Variants in UBR3 observed in about 807,000 individuals in gnomAD.
UBR3 encodes E3 ubiquitin-protein ligase UBR3.
Under a neutral mutation model 243.2 loss-of-function variants are expected in UBR3, and 85 were observed. The ratio of observed to expected loss-of-function variants is 0.35; its 90% CI spans 0.29 to 0.42. The LOEUF is 0.42. Ranked by LOEUF, UBR3 falls within the 10% of genes least tolerant of loss-of-function variation. The pLI, the probability that UBR3 is intolerant of heterozygous loss-of-function variation, is 1.00. For missense variants in UBR3, 1,686 were observed against 2,300.8 expected (o/e 0.73, Z 5.47); for synonymous variants, 748 against 799.8 (o/e 0.94, Z 1.09).
intron 30 of UBR3, among the ~76,000 whole-genome samples, chr2:170,017,527 A>ACG (rs1296235578): frequency 8.7e-5 from 1 of 11,486 alleles, no homozygotes; most frequent in Non-Finnish European, 2.4e-4. Flanking sequence ...TTACGGACAC[A>ACG]CACACACACA....
chr2:170,015,427 G>A, intron 30 of UBR3, 61 bp downstream of exon 30: 1 of 1,350,768 alleles, frequency 7.4e-7, no homozygotes, highest in Non-Finnish European at 1.0e-6. Context: ...GCATTGACAG[G>A]AAAAGTGACA....
At chr2:169,927,542 G>C in intron 17 of UBR3, 137 bp downstream of exon 17, 1 of 596,376 alleles carries the variant, frequency 1.7e-6, no homozygotes, top group Non-Finnish European at 2.7e-6. Flanking sequence ...AACACCAGTT[G>C]TGTGCTCAAG....
At chr2:169,978,304 C>T (rs1171995005) in intron 24 of UBR3, among the ~76,000 whole-genome samples, 1 of 151,988 alleles carries the variant, frequency 6.6e-6, no homozygotes, top group Non-Finnish European at 1.5e-5. Context: ...GGCTGTGGGG[C>T]CTGGGTTTCA....
Position 169,937,750 on chromosome 2 carries a change from A to G in UBR3, c.2663+4742A>G, listed in dbSNP as rs189095584. Among the ~76,000 whole-genome samples the G allele has an allele frequency of 3.7e-4, 57 of 152,292 alleles. 1 individual carries two copies. Among genetic ancestry groups the G allele is most frequent in the Non-Finnish European group, 1.0e-4 (7 of 68,020 alleles). On this transcript the variant is annotated intron_variant, in intron 19 of 38. Coordinates refer to ENST00000272793, the MANE Select transcript of UBR3 (RefSeq NM_172070.4). ...TGTCTGACAATGTTGACTGCTTGTT[A>G]TTAAGAGTTCTTGAGTGCATTGGTG...
At chr2:170,008,371 G>A (rs2089985222) in intron 28 of UBR3, among the ~76,000 whole-genome samples, 1 of 152,070 alleles carries the variant, frequency 6.6e-6, no homozygotes, top group African/African-American at 2.4e-5. Flanking sequence ...TAGAATTTGT[G>A]GTCTTTTTAA....
intron 24 of UBR3, among the ~76,000 whole-genome samples, chr2:169,986,089 T>C (rs183595243): frequency 6.6e-6 from 1 of 152,318 alleles, no homozygotes; most frequent in Admixed American, 6.5e-5. Flanking sequence ...AGTTCTGCTT[T>C]ATTCATATAT....
chr2:170,066,536 A>G (rs2091571208), intron 35 of UBR3, among the ~76,000 whole-genome samples: 1 of 152,174 alleles, frequency 6.6e-6, no homozygotes, highest in Admixed American at 6.5e-5. Flanking sequence ...ATAAAACTTG[A>G]AGAACATTAA....
intron 27 of UBR3, among the ~76,000 whole-genome samples, chr2:170,003,785 C>T (rs935612487): frequency 6.6e-5 from 10 of 152,106 alleles, no homozygotes; most frequent in Non-Finnish European, 7.4e-5. Flanking sequence ...GGACTACAGG[C>T]GCCCGCCACC....
intron 10 of UBR3, among the ~76,000 whole-genome samples, chr2:169,911,062 T>A (rs1423128473): frequency 6.6e-6 from 1 of 152,192 alleles, no homozygotes; most frequent in South Asian, 2.1e-4. Flanking sequence ...TTACTGTCTT[T>A]GTATGATTGC....
rs531733651 is a variant in UBR3 at position 169,841,768 on chromosome 2, C to T, written c.545+13716C>T. Among the ~76,000 whole-genome samples, 417 of 152,362 alleles carry T rather than the reference C, an allele frequency of 2.7e-3. 2 individuals carry two copies. Among genetic ancestry groups the T allele is most frequent in the Middle Eastern group, 0.014 (4 of 294 alleles). ...TCTCTCCGGGCCTTGGCTGCCTTCC[C>T]GCGGGGCAGGGCTCGGGACCTGCAG... On this transcript the variant is annotated intron_variant, in intron 1 of 38. Coordinates refer to ENST00000272793, the MANE Select transcript of UBR3 (RefSeq NM_172070.4).
chr2:169,917,688 ATATGT>A (rs1356144253), intron 11 of UBR3, among the ~76,000 whole-genome samples: 19 of 152,228 alleles, frequency 1.2e-4, no homozygotes, highest in African/African-American at 3.4e-4. Context: ...GAATCAAATA[ATATGT>A]TATTTATTTA....
intron 26 of UBR3, among the ~76,000 whole-genome samples, chr2:169,994,657 ATGT>A (rs2105394622): frequency 6.6e-6 from 1 of 152,352 alleles, no homozygotes; most frequent in African/African-American, 2.4e-5. Context: ...TTTGTTTTAA[ATGT>A]TGTTTGTTGT....
intron 2 of UBR3, among the ~76,000 whole-genome samples, chr2:169,874,173 CTT>C (rs200643346): frequency 1.4e-5 from 2 of 143,516 alleles, no homozygotes; most frequent in Admixed American, 7.0e-5. Context: ...AAAATTCTGC[CTT>C]TTTTTTTTTT....
Position 170,029,936 on chromosome 2 carries a change from A to G in UBR3, c.4556+488A>G, listed in dbSNP as rs1010911807. Among the ~76,000 whole-genome samples, 4 of 152,130 alleles carry G rather than the reference A, an allele frequency of 2.6e-5. No homozygotes were observed. In the South Asian group the frequency reaches 8.3e-4, roughly 31 times the overall value. On this transcript the variant is annotated intron_variant, in intron 31 of 38. Coordinates refer to ENST00000272793, the MANE Select transcript of UBR3 (RefSeq NM_172070.4). ...TTTTATAAAGAACTTTACCATATCA[A>G]CTATTTGTTGACTCTGAAATACAGT...
At chr2:170,036,319 T>C (rs563727059) in intron 31 of UBR3, among the ~76,000 whole-genome samples, 14 of 152,208 alleles carry the variant, frequency 9.2e-5, no homozygotes, top group African/African-American at 3.1e-4. Context: ...AATGATCATA[T>C]TAAACCCTGT....
intron 35 of UBR3, among the ~76,000 whole-genome samples, chr2:170,069,717 C>T (rs1285127410): frequency 6.8e-6 from 1 of 146,372 alleles, no homozygotes; most frequent in Non-Finnish European, 1.5e-5. Context: ...CCTTCAGATT[C>T]ATTCATGTTG....
chr2:169,890,540 G>T (rs55975324), intron 5 of UBR3, among the ~76,000 whole-genome samples: 63,280 of 76,006 alleles, frequency 0.83, 26,767 homozygotes, highest in East Asian at 0.9. Flanking sequence ...GAGAGAGAGA[G>T]ATATATATAT....
chr2:170,019,749 G>A (rs983175199), intron 30 of UBR3, among the ~76,000 whole-genome samples: 1 of 152,090 alleles, frequency 6.6e-6, no homozygotes, highest in South Asian at 2.1e-4. Flanking sequence ...GCATAAAGAT[G>A]TTAAACAAAT....
intron 32 of UBR3, among the ~76,000 whole-genome samples, chr2:170,047,430 T>C (rs1229170499): frequency 1.3e-5 from 2 of 152,204 alleles, no homozygotes; most frequent in African/African-American, 4.8e-5. Context: ...TTCACAGCTT[T>C]TACCAGATTT....
Sources: gnomAD v4.1 joint callset for allele counts (sites outside exome capture counted in the v4.1 genomes callset) on GRCh38, gnomAD v4.1.1 for gene constraint, MANE v1.5 for transcripts, NCBI Gene and HGNC (gene_info 2026-07-23, HGNC 2026-07-21) for gene names.